Variants in VSTM2L observed in about 807,000 individuals in gnomAD.
VSTM2L encodes the protein V-set and transmembrane domain-containing protein 2-like protein.
A neutral mutation model predicts 19.9 loss-of-function variants in VSTM2L; 9 were observed. The ratio of observed to expected loss-of-function variants is 0.45; its 90% CI spans 0.27 to 0.79. The LOEUF (loss-of-function observed/expected upper bound fraction) is 0.79, where lower values mean the gene tolerates loss of function less well. Among genes scored for constraint, VSTM2L ranks in the 30% least tolerant of loss-of-function variants. The pLI is 0.15. For synonymous variants in VSTM2L, 127 were observed against 133.8 expected (o/e 0.95, Z 0.35); for missense variants, 286 against 295.5 (o/e 0.97, Z 0.24).
At chr20:37,905,240 T>C (rs1475504774) in intron 1 of VSTM2L, among the ~76,000 whole-genome samples, 1 of 152,066 alleles carries the variant, frequency 6.6e-6, no homozygotes, top group East Asian at 1.9e-4. Flanking sequence ...TAGGAGGGGT[T>C]TCCATGGAGG....
At chr20:37,918,832 G>T (rs2072834529) in intron 1 of VSTM2L, among the ~76,000 whole-genome samples, 1 of 152,112 alleles carries the variant, frequency 6.6e-6, no homozygotes, top group South Asian at 2.1e-4. Flanking sequence ...GACTCTCCAG[G>T]CAGACACGAG....
At chr20:37,940,370 C>T (rs889940442) in intron 3 of VSTM2L, among the ~76,000 whole-genome samples, 1 of 152,152 alleles carries the variant, frequency 6.6e-6, no homozygotes, top group African/African-American at 2.4e-5. Flanking sequence ...CTGCCTGGGT[C>T]CCACCTCCGT....
rs1405773994 is a variant in VSTM2L, at chr20:37,920,166, T to G, written c.122-11469T>G. 2.0e-5 allele frequency among the ~76,000 whole-genome samples: 3 copies of G among 152,214 alleles called. No homozygotes were observed. The East Asian group carries it at 5.8e-4, about 29-fold the overall frequency. On this transcript the variant is annotated intron_variant, in intron 1 of 3. Coordinates refer to ENST00000373461, the MANE Select transcript of VSTM2L (RefSeq NM_080607.3). ...GAGCCAGCAGAAACAGGGAAGTGTTTGAATTCTAGAGTCCCAAGGTCTGGG... is the reference window on the plus strand; with the variant it reads ...GAGCCAGCAGAAACAGGGAAGTGTTGGAATTCTAGAGTCCCAAGGTCTGGG...
At chr20:37,937,925 G>A (rs1787776888) in intron 3 of VSTM2L, among the ~76,000 whole-genome samples, 1 of 152,218 alleles carries the variant, frequency 6.6e-6, no homozygotes. Context: ...TTGGCTGGGT[G>A]TGTGCACTGG....
intron 3 of VSTM2L, among the ~76,000 whole-genome samples, chr20:37,935,356 C>T (rs1053939781): frequency 1.3e-5 from 2 of 152,202 alleles, no homozygotes; most frequent in Non-Finnish European, 2.9e-5. Flanking sequence ...TCCTAATACA[C>T]AGGTACTCCC....
At chr20:37,943,547 G>A (rs914965074) in intron 3 of VSTM2L, among the ~76,000 whole-genome samples, 7 of 151,496 alleles carry the variant, frequency 4.6e-5, no homozygotes, top group African/African-American at 1.7e-4. Flanking sequence ...TACCACTGCT[G>A]TGAGGAGGCC....
intron 3 of VSTM2L, among the ~76,000 whole-genome samples, chr20:37,941,395 C>T (rs80176689): frequency 0.01 from 1,560 of 152,202 alleles, 28 homozygotes; most frequent in African/African-American, 0.036. Context: ...GCCCAGCACG[C>T]GCAAAGGCCG....
intron 1 of VSTM2L, among the ~76,000 whole-genome samples, chr20:37,925,433 T>C (rs1346602380): frequency 6.6e-6 from 1 of 152,134 alleles, no homozygotes; most frequent in Non-Finnish European, 1.5e-5. Flanking sequence ...AGCAAGTCTG[T>C]CGGCAGAAAC....
Position 37,944,442 on chromosome 20 carries a change from C to G in VSTM2L, c.*189C>G. Reference sequence around the variant, plus strand: ...TAAGCCCCACCCACCCCTGCCCTTTCAGACCCCTGCGGTGACCTGGCTCGG... The same window carrying G: ...TAAGCCCCACCCACCCCTGCCCTTTGAGACCCCTGCGGTGACCTGGCTCGG... On this transcript the variant is annotated 3_prime_UTR_variant, in exon 4 of 4. Transcript: ENST00000373461. 42 of 603,438 alleles carry G rather than the reference C, an allele frequency of 7.0e-5. No individual in the cohort carries two copies. The highest frequency in any genetic ancestry group is 1.0e-4 in the Non-Finnish European group (41 of 395,136). The allele number at this position is 603,438 out of a possible 1,614,324, so 37.4% of individuals were successfully genotyped here. A position where few individuals can be genotyped will look rare whatever the true frequency, so the allele number is the denominator to read the frequency against.
chr20:37,945,015 G>A lies in VSTM2L; in HGVS notation c.*762G>A. 1 of 985,696 alleles carries A rather than the reference G, an allele frequency of 1.0e-6. No individual in the cohort carries two copies. The highest frequency in any genetic ancestry group is 1.2e-6 in the Non-Finnish European group (1 of 829,942). The allele number at this position is 985,696 out of a possible 1,614,324, so 61.1% of individuals were successfully genotyped here. A position where few individuals can be genotyped will look rare whatever the true frequency, so the allele number is the denominator to read the frequency against. On this transcript the variant is annotated 3_prime_UTR_variant, in exon 4 of 4. Transcript: ENST00000373461. The stretch of plus-strand genomic sequence containing the variant: ...TTGAGGGCCTTCAAGGCTCTCCCAG[G>A]AGTCCCCCTCTGCCGGCCCCCCAAT...
chr20:37,944,920 G>A lies in VSTM2L; in HGVS notation c.*667G>A, dbSNP rs952184932. On this transcript the variant is annotated 3_prime_UTR_variant, in exon 4 of 4. Transcript: ENST00000373461. ...AGGATTCTCTGCCCTGTCACACGGC[G>A]AGTCAGAAGGGAGGGGCCTTTCCCT... 2.9e-5 allele frequency: 29 copies of A among 985,758 alleles called. No individual in the cohort carries two copies. The highest frequency in any genetic ancestry group is 1.1e-4 in the East Asian group (1 of 8,794). The allele number at this position is 985,758 out of a possible 1,614,324, so 61.1% of individuals were successfully genotyped here. A position where few individuals can be genotyped will look rare whatever the true frequency, so the allele number is the denominator to read the frequency against.
chr20:37,922,743 G>GA (rs1284390634), intron 1 of VSTM2L, among the ~76,000 whole-genome samples: 1 of 152,140 alleles, frequency 6.6e-6, no homozygotes, highest in Non-Finnish European at 1.5e-5. Flanking sequence ...CTGGGATGGG[G>GA]AATCTGGGCT....
chr20:37,934,135 A>T (rs945553625), intron 3 of VSTM2L, among the ~76,000 whole-genome samples: 3 of 152,202 alleles, frequency 2.0e-5, no homozygotes, highest in East Asian at 3.8e-4. Context: ...GAGGTCAGGG[A>T]CTTGCCAGAG....
At chr20:37,943,957 T>A (rs200825718) in intron 3 of VSTM2L, 24 bp from the exon 4 acceptor site, 2 of 996,608 alleles carry the variant, frequency 2.0e-6, no homozygotes, top group African/African-American at 4.0e-5. Context: ...GATGGACAGG[T>A]CACGGTCTCT....
intron 3 of VSTM2L, 54 bp from the exon 4 acceptor site, chr20:37,943,927 C>T: frequency 3.5e-6 from 1 of 284,862 alleles, no homozygotes; most frequent in Non-Finnish European, 5.1e-6. Flanking sequence ...CCCGACTCTT[C>T]TTCTCCCCCA....
At chr20:37,935,252 C>T (rs1203983795) in intron 3 of VSTM2L, among the ~76,000 whole-genome samples, 1 of 152,198 alleles carries the variant, frequency 6.6e-6, no homozygotes, top group African/African-American at 2.4e-5. Context: ...CCTGCAATTC[C>T]TGCAGCAGCT....
chr20:37,924,554 CAAAA>C (rs368447073), intron 1 of VSTM2L, among the ~76,000 whole-genome samples: 1 of 90,102 alleles, frequency 1.1e-5, no homozygotes, highest in Non-Finnish European at 2.3e-5. Flanking sequence ...GACTCTGTCT[CAAAA>C]AAAAAAAAAA....
intron 1 of VSTM2L, among the ~76,000 whole-genome samples, chr20:37,912,519 T>TG (rs891580375): frequency 2.2e-4 from 34 of 152,130 alleles, no homozygotes; most frequent in African/African-American, 7.5e-4. Flanking sequence ...GGGCTGTGTC[T>TG]GGGGGGTGAC....
intron 1 of VSTM2L, among the ~76,000 whole-genome samples, chr20:37,909,716 G>T (rs141729089): frequency 1.3e-5 from 2 of 152,218 alleles, no homozygotes; most frequent in African/African-American, 4.8e-5. Context: ...TGGCCTTGGG[G>T]TGCATATGTG....
Sources: gnomAD v4.1 joint callset for allele counts (sites outside exome capture counted in the v4.1 genomes callset) on GRCh38, gnomAD v4.1.1 for gene constraint, MANE v1.5 for transcripts, NCBI Gene and HGNC (gene_info 2026-07-23, HGNC 2026-07-21) for gene names.